Variants in PDE10A observed in about 807,000 individuals in gnomAD.
The protein encoded by PDE10A is phosphodiesterase 10A, also known as cAMP and cAMP-inhibited cGMP 3',5'-cyclic phosphodiesterase 10A.
PDE10A carries 39 observed loss-of-function variants against 97.7 expected under a neutral mutation model. The observed-to-expected ratio is 0.40, with a 90% CI of 0.31 to 0.52. The LOEUF (loss-of-function observed/expected upper bound fraction) is 0.52. Among genes scored for constraint, PDE10A ranks in the 20% least tolerant of loss-of-function variants. The probability of loss-of-function intolerance (pLI) is 0.56; values close to 1 mark genes in which losing one functional copy is unlikely to be tolerated. For synonymous variants in PDE10A, 371 were observed against 376.8 expected (o/e 0.98, Z 0.18); for missense variants, 731 against 1,047.8 (o/e 0.70, Z 4.17).
At chr6:165,952,327 A>G (rs934673100) in intron 1 of PDE10A, among the ~76,000 whole-genome samples, 1 of 152,242 alleles carries the variant, frequency 6.6e-6, no homozygotes, top group African/African-American at 2.4e-5. Flanking sequence ...TACAGCTCCT[A>G]AAGAAACCAT....
At chr6:165,415,153 C>T (rs1788219333) in intron 12 of PDE10A, among the ~76,000 whole-genome samples, 1 of 152,134 alleles carries the variant, frequency 6.6e-6, no homozygotes, top group East Asian at 1.9e-4. Context: ...TACATTTTTA[C>T]ATAAAGATTG....
Position 165,418,902 on chromosome 6 carries a change from A to T in PDE10A, c.1654-125T>A. 1 of 677,746 alleles carries T rather than the reference A, an allele frequency of 1.5e-6. No homozygotes were observed. Among genetic ancestry groups the T allele is most frequent in the Non-Finnish European group, 2.5e-6 (1 of 399,576 alleles). 42.0% of individuals were successfully genotyped at this position (677,746 alleles called of 1,614,324 possible). A position where few individuals can be genotyped will look rare whatever the true frequency, so the allele number is the denominator to read the frequency against. On this transcript the variant is annotated intron_variant, in intron 10 of 21. Coordinates refer to ENST00000539869, the MANE Select transcript of PDE10A (RefSeq NM_001385079.1). The surrounding 1 kb of genome is among the most constrained non-coding windows in gnomAD (Gnocchi z 4.8). ...ACTCTAATTGGTTGGTATTAGCATT[A>T]TAAGTAAATAAATATACAAGTATAT...
At chr6:165,576,793 G>T (rs1272375384) in intron 1 of PDE10A, among the ~76,000 whole-genome samples, 8 of 152,142 alleles carry the variant, frequency 5.3e-5, no homozygotes. Context: ...CAGTGTTTCT[G>T]CCTCCTTTAA....
chr6:165,565,811 C>T (rs760333628), intron 1 of PDE10A, among the ~76,000 whole-genome samples: 1 of 152,050 alleles, frequency 6.6e-6, no homozygotes, highest in Non-Finnish European at 1.5e-5. Flanking sequence ...GACAAAGGAG[C>T]AAATGCAATA....
intron 2 of PDE10A, among the ~76,000 whole-genome samples, chr6:165,499,721 G>A (rs752188152): frequency 6.6e-6 from 1 of 152,070 alleles, no homozygotes; most frequent in South Asian, 2.1e-4. Flanking sequence ...TAAAAATAAT[G>A]TTCCATTTTT....
chr6:165,340,450 G>A (rs1185087969), intron 19 of PDE10A, among the ~76,000 whole-genome samples: 1 of 152,140 alleles, frequency 6.6e-6, no homozygotes, highest in East Asian at 1.9e-4. Context: ...ACAAAGCAAA[G>A]CCACTTCAAG....
chr6:165,544,287 A>C (rs1783623032), intron 1 of PDE10A, among the ~76,000 whole-genome samples: 1 of 152,248 alleles, frequency 6.6e-6, no homozygotes, highest in Non-Finnish European at 1.5e-5. Context: ...TTATTCGTTA[A>C]TATTCTGTGT....
At chr6:165,451,569 C>T (rs1378206789) in intron 3 of PDE10A, among the ~76,000 whole-genome samples, 2 of 152,130 alleles carry the variant, frequency 1.3e-5, no homozygotes, top group African/African-American at 4.8e-5. Flanking sequence ...TCTGTCTACC[C>T]TCACTGTCAC....
At chr6:165,524,349 A>ATTAGACCC (rs1782301040) in intron 2 of PDE10A, among the ~76,000 whole-genome samples, 1 of 152,128 alleles carries the variant, frequency 6.6e-6, no homozygotes, top group South Asian at 2.1e-4. Flanking sequence ...GCTTAATATG[A>ATTAGACCC]TTAGACCCCA....
chr6:165,439,615 C>A (rs926146559), intron 5 of PDE10A, among the ~76,000 whole-genome samples: 30 of 152,262 alleles, frequency 2.0e-4, no homozygotes, highest in African/African-American at 7.0e-4. Context: ...GGGGAGGAAT[C>A]AGCTTTTAAA....
intron 1 of PDE10A, among the ~76,000 whole-genome samples, chr6:165,834,960 C>G (rs1191573524): frequency 1.3e-5 from 2 of 152,208 alleles, no homozygotes; most frequent in African/African-American, 4.8e-5. Flanking sequence ...GGTGGAGAGG[C>G]CTAGCCAGGG....
At position 165,773,805 on chromosome 6, in the gene PDE10A, C is replaced by CTGTCAAATCTTA. The variant is rs550690184; in HGVS notation, c.-615+213723_-615+213724insTAAGATTTGACA. 5.6e-4 allele frequency among the ~76,000 whole-genome samples: 85 copies of CTGTCAAATCTTA among 152,232 alleles called. 1 individual carries two copies. The South Asian group carries it at 0.012, about 22-fold the overall frequency. On this transcript the variant is annotated intron_variant, in intron 1 of 19. Coordinates refer to the PDE10A transcript ENST00000366882. ...GATGAAAAGTAAACAGACAGAAAAA[C>CTGTCAAATCTTA]TGTCAAATCTGGACATAAGAACTCA...
rs150128805 is a variant in PDE10A, at chr6:165,884,893, G to A, written c.-615+102636C>T. Among the ~76,000 whole-genome samples the A allele has an allele frequency of 3.8e-3, 576 of 152,318 alleles. 4 individuals are homozygous for A. The highest frequency in any genetic ancestry group is 0.013 in the African/African-American group (561 of 41,562). Reference sequence around the variant, plus strand: ...GACACAACACAGGAATAATTTAGGGGAAGGAAATAAACACAGAGGGAGGGA... The same window carrying A: ...GACACAACACAGGAATAATTTAGGGAAAGGAAATAAACACAGAGGGAGGGA... On this transcript the variant is annotated intron_variant, in intron 1 of 19. Coordinates refer to the PDE10A transcript ENST00000366882.
chr6:165,890,136 G>C (rs554131952), intron 1 of PDE10A, among the ~76,000 whole-genome samples: 4 of 150,166 alleles, frequency 2.7e-5, no homozygotes, highest in African/African-American at 9.8e-5. Flanking sequence ...CCCTCATCCT[G>C]TGTGACTTTA....
intron 1 of PDE10A, among the ~76,000 whole-genome samples, chr6:165,912,481 A>G (rs1455279349): frequency 6.6e-6 from 1 of 152,128 alleles, no homozygotes; most frequent in Non-Finnish European, 1.5e-5. Context: ...CCATTCTGTA[A>G]ATGTGTCCTT....
intron 2 of PDE10A, among the ~76,000 whole-genome samples, chr6:165,486,017 T>A (rs950428069): frequency 6.6e-6 from 1 of 152,194 alleles, no homozygotes; most frequent in African/African-American, 2.4e-5. Context: ...AGGCTGCAGT[T>A]CGAAAGGTGG....
At chr6:165,368,422 A>G (rs1342459454) in intron 18 of PDE10A, among the ~76,000 whole-genome samples, 1 of 151,960 alleles carries the variant, frequency 6.6e-6, no homozygotes, top group Non-Finnish European at 1.5e-5. Flanking sequence ...AGACAAAAAG[A>G]GGTATAAATT....
chr6:165,452,004 T>C (rs1791330374), intron 3 of PDE10A, among the ~76,000 whole-genome samples: 1 of 152,176 alleles, frequency 6.6e-6, no homozygotes, highest in Non-Finnish European at 1.5e-5. Flanking sequence ...TTAGCAAGAT[T>C]GGAATGCTAG....
intron 1 of PDE10A, among the ~76,000 whole-genome samples, chr6:165,822,120 A>T (rs1228285709): frequency 6.6e-6 from 1 of 152,198 alleles, no homozygotes; most frequent in Non-Finnish European, 1.5e-5. Flanking sequence ...TTGCTTAGCA[A>T]CGGGGACATA....
Sources: allele counts gnomAD v4.1 joint callset (sites outside exome capture counted in the v4.1 genomes callset), GRCh38; gene constraint gnomAD v4.1.1; non-coding constraint Gnocchi (gnomAD v3.1); transcripts MANE v1.5; gene names NCBI Gene and HGNC (gene_info 2026-07-23, HGNC 2026-07-21).